GRIK2: variants seen among roughly 807,000 people sequenced by gnomAD.
GRIK2 encodes glutamate receptor ionotropic, kainate 2.
In GRIK2, 32 loss-of-function variants were observed where a neutral mutation model predicts 100.3. That is an observed-to-expected ratio of 0.32 (90% CI 0.24 to 0.43). The LOEUF is 0.43. Among genes scored for constraint, GRIK2 ranks in the 20% least tolerant of loss-of-function variants. GRIK2 has a pLI of 1.00. For missense variants in GRIK2, 843 were observed against 1,114.9 expected (o/e 0.76, Z 3.47); for synonymous variants, 417 against 389.4 (o/e 1.07, Z -0.83).
chr6:101,592,166 A>G (rs1778679189), intron 2 of GRIK2, among the ~76,000 whole-genome samples: 1 of 152,026 alleles, frequency 6.6e-6, no homozygotes, highest in Non-Finnish European at 1.5e-5. Flanking sequence ...CTGCAGAACC[A>G]TGAGCCAAAA....
chr6:102,001,753 G>T (rs1794953444), intron 14 of GRIK2, among the ~76,000 whole-genome samples: 1 of 151,702 alleles, frequency 6.6e-6, no homozygotes, highest in African/African-American at 2.4e-5. Context: ...ACCTAAAACT[G>T]ATATATTTTA....
intron 2 of GRIK2, among the ~76,000 whole-genome samples, chr6:101,511,442 A>G (rs76387583): frequency 0.015 from 2,303 of 152,198 alleles, 56 homozygotes; most frequent in African/African-American, 0.053. Flanking sequence ...GCACAGTAAA[A>G]TCTGTTATAG....
rs538179917 is a variant in GRIK2 at position 102,026,732 on chromosome 6, TTC to T, written c.2086-8603_2086-8602del. Reference sequence around the variant, plus strand: ...CTCACACTAACACTGAGAAGAGCAATTCTCTCTGTTTCATTGTCCTTCCCTTC... The same window carrying T: ...CTCACACTAACACTGAGAAGAGCAATTCTCTGTTTCATTGTCCTTCCCTTC... On this transcript the variant is annotated intron_variant, in intron 14 of 16. Coordinates refer to ENST00000369134, the MANE Select transcript of GRIK2 (RefSeq NM_021956.5). Among the ~76,000 whole-genome samples, 20 of 151,376 alleles carry T rather than the reference TTC, an allele frequency of 1.3e-4. No homozygotes were observed. The Admixed American group carries it at 1.3e-3, about 10-fold the overall frequency.
At chr6:101,796,104 A>G (rs556343225) in intron 7 of GRIK2, among the ~76,000 whole-genome samples, 135 of 152,310 alleles carry the variant, frequency 8.9e-4, no homozygotes, top group Middle Eastern at 3.4e-3. Flanking sequence ...AGAAAAGGAT[A>G]TAAACTTTGG....
intron 2 of GRIK2, among the ~76,000 whole-genome samples, chr6:101,542,016 T>C (rs1029946308): frequency 1.3e-5 from 2 of 152,132 alleles, no homozygotes; most frequent in Non-Finnish European, 2.9e-5. Flanking sequence ...AAATGATAGT[T>C]ATTCTGTTTG....
chr6:101,518,860 A>G (rs188555470), intron 2 of GRIK2, among the ~76,000 whole-genome samples: 294 of 152,254 alleles, frequency 1.9e-3, no homozygotes, highest in Admixed American at 3.9e-3. Flanking sequence ...ATCTGACCCA[A>G]CAGAGTGTCC....
At chr6:102,022,873 T>C (rs1169524499) in intron 14 of GRIK2, among the ~76,000 whole-genome samples, 1 of 151,614 alleles carries the variant, frequency 6.6e-6, no homozygotes, top group Non-Finnish European at 1.5e-5. Context: ...TAGAGAGCCA[T>C]GTTTTCTATC....
At chr6:102,001,368 C>G (rs949820065) in intron 14 of GRIK2, among the ~76,000 whole-genome samples, 2 of 151,722 alleles carry the variant, frequency 1.3e-5, no homozygotes, top group African/African-American at 4.8e-5. Flanking sequence ...TTCCCCACCC[C>G]CCGACAGGCC....
intron 2 of GRIK2, among the ~76,000 whole-genome samples, chr6:101,483,685 C>T (rs2579946): frequency 0.22 from 33,623 of 152,078 alleles, 4,224 homozygotes; most frequent in East Asian, 0.31. Flanking sequence ...AGCAATTCTC[C>T]CTGCCTCAGC....
At chr6:101,983,833 C>T (rs1052059005) in intron 14 of GRIK2, among the ~76,000 whole-genome samples, 1 of 151,646 alleles carries the variant, frequency 6.6e-6, no homozygotes, top group Admixed American at 6.6e-5. Flanking sequence ...TTTTTGGAAA[C>T]CTTAGACTTC....
At chr6:102,059,248 TA>T (rs1183948846) in intron 16 of GRIK2, among the ~76,000 whole-genome samples, 2 of 151,284 alleles carry the variant, frequency 1.3e-5, no homozygotes, top group Admixed American at 6.6e-5. Flanking sequence ...ATAATTTTTA[TA>T]AAAAATGGCT....
intron 14 of GRIK2, among the ~76,000 whole-genome samples, chr6:101,986,450 C>T (rs1284935019): frequency 2.0e-5 from 3 of 151,842 alleles, no homozygotes; most frequent in Non-Finnish European, 1.5e-5. Flanking sequence ...ACTCAGTTTT[C>T]ATATTTTCTT....
chr6:101,769,475 A>G (rs1201064717), intron 7 of GRIK2, among the ~76,000 whole-genome samples: 3 of 152,162 alleles, frequency 2.0e-5, no homozygotes, highest in Non-Finnish European at 4.4e-5. Flanking sequence ...AGTCTACTCA[A>G]TAGTTAAGAG....
rs74965450 is a variant in GRIK2, at chr6:101,964,466, A to C, written c.2085+35834A>C. On this transcript the variant is annotated intron_variant, in intron 14 of 16. Coordinates refer to ENST00000369134, the MANE Select transcript of GRIK2 (RefSeq NM_021956.5). Reference sequence around the variant, plus strand: ...ACCCTGTCCTATTGGGAAATGAAGGAGAACTAGACATGGGTGTTTACAGTG... The same window carrying C: ...ACCCTGTCCTATTGGGAAATGAAGGCGAACTAGACATGGGTGTTTACAGTG... 3.2e-3 allele frequency among the ~76,000 whole-genome samples: 485 copies of C among 152,288 alleles called. 1 individual carries two copies. The highest frequency in any genetic ancestry group is 0.011 in the African/African-American group (473 of 41,562).
At chr6:102,065,703 G>T in intron 16 of GRIK2, 1 of 709,936 alleles carries the variant, frequency 1.4e-6, no homozygotes, top group South Asian at 1.9e-5. Context: ...ACGATTCAAT[G>T]TTACACGTCC....
chr6:101,943,609 G>T (rs1791091498), intron 14 of GRIK2, among the ~76,000 whole-genome samples: 1 of 152,194 alleles, frequency 6.6e-6, no homozygotes, highest in Non-Finnish European at 1.5e-5. Context: ...GTGAGACATG[G>T]AGTCAAAGAA....
intron 11 of GRIK2, among the ~76,000 whole-genome samples, chr6:101,873,437 A>G (rs1249490583): frequency 1.3e-5 from 2 of 151,596 alleles, no homozygotes; most frequent in Non-Finnish European, 2.9e-5. Context: ...ATCCTTTTTT[A>G]TGGCTGCATA....
At chr6:101,967,526 G>A (rs1221928577) in intron 14 of GRIK2, among the ~76,000 whole-genome samples, 3 of 152,052 alleles carry the variant, frequency 2.0e-5, no homozygotes, top group East Asian at 3.9e-4. Flanking sequence ...ATATAGAAGT[G>A]AAGACCTTTC....
chr6:101,482,243 C>T (rs1189343372), intron 2 of GRIK2, among the ~76,000 whole-genome samples: 1 of 152,176 alleles, frequency 6.6e-6, no homozygotes, highest in Non-Finnish European at 1.5e-5. Context: ...ATTTATGGAG[C>T]ACCTACTATT....
Sources: allele counts gnomAD v4.1 joint callset (sites outside exome capture counted in the v4.1 genomes callset), GRCh38; gene constraint gnomAD v4.1.1; transcripts MANE v1.5; gene names NCBI Gene and HGNC (gene_info 2026-07-23, HGNC 2026-07-21).